The following PCDHGB6 variants were observed in gnomAD, a reference collection of about 807,000 sequenced individuals.
PCDHGB6 encodes protocadherin gamma-B6.
In PCDHGB6, 51 loss-of-function variants were observed where a neutral mutation model predicts 59.1. That is an observed-to-expected ratio of 0.86 (90% CI 0.69 to 1.09). The LOEUF is 1.09. Among genes scored for constraint, PCDHGB6 ranks in the 50% least tolerant of loss-of-function variants. The probability of loss-of-function intolerance (pLI) is 0.00; values close to 1 mark genes in which losing one functional copy is unlikely to be tolerated. For synonymous variants in PCDHGB6, 466 were observed against 495.1 expected (o/e 0.94, Z 0.78); for missense variants, 1,148 against 1,205.1 (o/e 0.95, Z 0.70).
chr5:141,431,092 G>A lies in PCDHGB6; in HGVS notation c.2418+20472G>A. On this transcript the variant is annotated intron_variant, in intron 1 of 3. Coordinates refer to ENST00000520790, the MANE Select transcript of PCDHGB6 (RefSeq NM_018926.3). This position sits in a 1 kb window ranked among gnomAD's most constrained non-coding sequence, Gnocchi z 4.8. ...AATTAAATCTAGACATTCTGATGGAGGATAAAGTGAAAATATATGGAGTAG... is the reference window on the plus strand; with the variant it reads ...AATTAAATCTAGACATTCTGATGGAAGATAAAGTGAAAATATATGGAGTAG... 1 of 1,614,252 alleles carries A rather than the reference G, an allele frequency of 6.2e-7. No individual in the cohort carries two copies. The highest frequency in any genetic ancestry group is 1.1e-5 in the South Asian group (1 of 91,090).
chr5:141,468,159 T>C (rs1408861467), intron 1 of PCDHGB6, among the ~76,000 whole-genome samples: 2 of 151,760 alleles, frequency 1.3e-5, no homozygotes, highest in Admixed American at 6.6e-5. Context: ...ACCCTGTCTC[T>C]GCTAAAAATA....
intron 1 of PCDHGB6, among the ~76,000 whole-genome samples, chr5:141,463,999 C>A (rs1261262637): frequency 1.3e-5 from 2 of 152,056 alleles, no homozygotes; most frequent in African/African-American, 4.8e-5. Flanking sequence ...GGTGCAGTGG[C>A]TCATGCTTGT....
chr5:141,485,466 T>C lies in PCDHGB6; in HGVS notation c.2419-9341T>C, dbSNP rs1485922901. ...ATCGACCGAGAGGCACTGTGTGGGC[T>C]CAGTGCCAGCTGCATCGTGCCCCTG... On this transcript the variant is annotated intron_variant, in intron 1 of 3. Transcript: ENST00000520790. The surrounding 1 kb of genome is among the most constrained non-coding windows in gnomAD (Gnocchi z 5.7). 6.2e-7 allele frequency: 1 copy of C among 1,613,868 alleles called. No individual in the cohort carries two copies. Among genetic ancestry groups the C allele is most frequent in the Non-Finnish European group, 8.5e-7 (1 of 1,179,924 alleles).
chr5:141,489,268 G>C lies in PCDHGB6; in HGVS notation c.2419-5539G>C. 6.4e-7 allele frequency: 1 copy of C among 1,553,286 alleles called. No individual in the cohort carries two copies. The highest frequency in any genetic ancestry group is 8.7e-7 in the Non-Finnish European group (1 of 1,149,780). ...GGGGCCCAAGACACTCCCACAGCTC[G>C]CTGGGAAATGGCAAGTGCTGTGCAT... On this transcript the variant is annotated intron_variant, in intron 1 of 3. Transcript: ENST00000520790. The surrounding 1 kb of genome is among the most constrained non-coding windows in gnomAD (Gnocchi z 4.5).
chr5:141,466,450 G>A lies in PCDHGB6; in HGVS notation c.2419-28357G>A, dbSNP rs139024933. Reference sequence around the variant, plus strand: ...TAAGCTGAACCGAGATGTCTATGGTGTTGGCTATTGTTTCTGCTGTTAATT... The same window carrying A: ...TAAGCTGAACCGAGATGTCTATGGTATTGGCTATTGTTTCTGCTGTTAATT... On this transcript the variant is annotated intron_variant, in intron 1 of 3. Coordinates refer to ENST00000520790, the MANE Select transcript of PCDHGB6 (RefSeq NM_018926.3). Among the ~76,000 whole-genome samples, 714 of 152,290 alleles carry A rather than the reference G, an allele frequency of 4.7e-3. 2 individuals are homozygous for A. Among genetic ancestry groups the A allele is most frequent in the Non-Finnish European group, 7.0e-3 (479 of 68,028 alleles).
rs369551410 is a variant in PCDHGB6, at chr5:141,415,294, G to A, written c.2418+4674G>A. ...GGTAGCGGTGGCCGCGGTCTCCTGC[G>A]TCTTCCTGGCCTTCGTCATCGTGCT... On this transcript the variant is annotated intron_variant, in intron 1 of 3. Transcript: ENST00000520790. 10 of 1,614,050 alleles carry A rather than the reference G, an allele frequency of 6.2e-6. No homozygotes were observed. In the African/African-American group the frequency reaches 1.1e-4, roughly 17 times the overall value.
chr5:141,453,791 A>G (rs979646024), intron 1 of PCDHGB6, among the ~76,000 whole-genome samples: 2 of 152,268 alleles, frequency 1.3e-5, no homozygotes, highest in African/African-American at 2.4e-5. Context: ...ATGGTATATT[A>G]ACTTTGAGTA....
chr5:141,415,758 T>TG, intron 1 of PCDHGB6: 1 of 1,381,742 alleles, frequency 7.2e-7, no homozygotes, highest in South Asian at 1.7e-5. Context: ...TTTTTTTTTT[T>TG]TTTTTTTTTT....
At chr5:141,422,166 T>A (rs370704205) in intron 1 of PCDHGB6, 1 of 1,569,256 alleles carries the variant, frequency 6.4e-7, no homozygotes, top group African/African-American at 1.4e-5. Context: ...TTGAAAAATA[T>A]AGATTCTATG....
At chr5:141,436,950 C>A (rs894702404) in intron 1 of PCDHGB6, among the ~76,000 whole-genome samples, 3 of 152,138 alleles carry the variant, frequency 2.0e-5, no homozygotes, top group African/African-American at 7.2e-5. Flanking sequence ...ATAGTGAAAT[C>A]TAAACAAGGA....
rs531855306 is a variant in PCDHGB6 at position 141,422,110 on chromosome 5, T to C, written c.2418+11490T>C. 230 of 1,606,626 alleles carry C rather than the reference T, an allele frequency of 1.4e-4. 6 individuals carry two copies. The South Asian group carries it at 2.5e-3, about 17-fold the overall frequency. On this transcript the variant is annotated intron_variant, in intron 1 of 3. Coordinates refer to ENST00000520790, the MANE Select transcript of PCDHGB6 (RefSeq NM_018926.3). The stretch of plus-strand genomic sequence containing the variant: ...AAGCAAGGCTTCTGAAATATTCCAA[T>C]TGGATTCACAAACTGGAGAAGTTCA...
chr5:141,422,477 A>G (rs1230502545), intron 1 of PCDHGB6: 2 of 1,613,904 alleles, frequency 1.2e-6, no homozygotes, highest in Admixed American at 1.7e-5. Flanking sequence ...GAGTTGGTCC[A>G]GAGCTACAAT....
chr5:141,410,760 A>C, intron 1 of PCDHGB6, 140 bp downstream of exon 1: 1 of 1,177,482 alleles, frequency 8.5e-7, no homozygotes. Context: ...ATGTTTTTTC[A>C]ATTATAGTTT....
intron 2 of PCDHGB6, among the ~76,000 whole-genome samples, chr5:141,501,136 G>A (rs909142955): frequency 6.6e-6 from 1 of 152,090 alleles, no homozygotes; most frequent in Non-Finnish European, 1.5e-5. Context: ...CTAAGTGCTG[G>A]GATTACAGGT....
intron 1 of PCDHGB6, among the ~76,000 whole-genome samples, chr5:141,471,778 A>T (rs2099264151): frequency 6.6e-6 from 1 of 152,244 alleles, no homozygotes; most frequent in Non-Finnish European, 1.5e-5. Flanking sequence ...TGAGTTTGAC[A>T]TTATGCTATG....
chr5:141,463,764 G>A (rs2099069094), intron 1 of PCDHGB6, among the ~76,000 whole-genome samples: 1 of 151,916 alleles, frequency 6.6e-6, no homozygotes. Flanking sequence ...TTCTCTTATG[G>A]GTTAGAATCC....
In PCDHGB6 at chr5:141,408,769, C is replaced by T; in HGVS notation, c.567C>T (p.Gly189=). 6.2e-7 allele frequency: 1 copy of T among 1,611,166 alleles called. No homozygotes were observed. The highest frequency in any genetic ancestry group is 8.5e-7 in the Non-Finnish European group (1 of 1,178,538). ...SLMVRVNSDG[G]KYPELSLEKL... is the part of the protein sequence containing the mutation. ...TGGTTAGAGTTAATTCCGATGGTGG[C>T]AAATACCCAGAGTTATCTCTGGAGA... The change falls in exon 1 of 4, where the codon GGC becomes GGT. Residue 189 remains glycine, a synonymous_variant. Transcript: ENST00000520790.
At chr5:141,499,289 C>T in intron 2 of PCDHGB6, among the ~76,000 whole-genome samples, 1 of 152,212 alleles carries the variant, frequency 6.6e-6, no homozygotes, top group African/African-American at 2.4e-5. Context: ...GATGGCTCCA[C>T]ACTACCATCC....
At position 141,409,809 on chromosome 5, in the gene PCDHGB6, A is replaced by G; in HGVS notation, c.1607A>G (p.Asp536Gly). ...RAFALTLQARDHGSPTLSANV... is the reference protein window; with the variant it reads ...RAFALTLQARGHGSPTLSANV... ...TTCGCGCTCACGCTGCAGGCCCGCGACCACGGCTCGCCCACGCTCAGCGCC... is the reference window on the plus strand; with the variant it reads ...TTCGCGCTCACGCTGCAGGCCCGCGGCCACGGCTCGCCCACGCTCAGCGCC... Residue 536 changes from aspartate (D) to glycine (G), a missense_variant, in exon 1 of 4, where the codon GAC (aspartate) becomes GGC (glycine). Around this residue, in one of 5 missense-constraint regions of PCDHGB6, gnomAD observed 549 missense variants for 527.5 expected, o/e 1.04. Coordinates refer to ENST00000520790, the MANE Select transcript of PCDHGB6 (RefSeq NM_018926.3). 2 of 1,611,542 alleles carry G rather than the reference A, an allele frequency of 1.2e-6. No individual in the cohort carries two copies. Among genetic ancestry groups the G allele is most frequent in the Non-Finnish European group, 1.7e-6 (2 of 1,179,152 alleles).
Sources: gnomAD v4.1 joint callset for allele counts (sites outside exome capture counted in the v4.1 genomes callset) on GRCh38, gnomAD v4.1.1 for gene constraint, gnomAD v4.1.1 regional missense constraint, Gnocchi (gnomAD v3.1) non-coding constraint, MANE v1.5 for transcripts, NCBI Gene and HGNC (gene_info 2026-07-23, HGNC 2026-07-21) for gene names.